Variants in TRPC5 observed in about 807,000 individuals in gnomAD.
TRPC5 encodes transient receptor potential cation channel subfamily C member 5.
TRPC5 carries 9 observed loss-of-function variants against 56.5 expected under a neutral mutation model. The observed-to-expected ratio is 0.16, with a 90% CI of 0.10 to 0.28. TRPC5 has a LOEUF of 0.28. Ranked by LOEUF, TRPC5 falls within the 10% of genes least tolerant of loss-of-function variation. The pLI is 1.00. For synonymous variants in TRPC5, 282 were observed against 278.5 expected (o/e 1.01, Z -0.13); for missense variants, 469 against 748.9 (o/e 0.63, Z 4.36).
intron 1 of TRPC5, among the ~76,000 whole-genome samples, chrX:111,956,899 A>C: frequency 9.0e-6 from 1 of 110,666 alleles, no homozygotes; most frequent in Non-Finnish European, 1.9e-5. Context: ...TTCAGCAAAT[A>C]CTCTCCTATG....
intron 1 of TRPC5, among the ~76,000 whole-genome samples, chrX:111,986,227 T>C (rs1422138530): frequency 1.8e-5 from 2 of 110,840 alleles, no homozygotes; most frequent in East Asian, 5.7e-4. Context: ...ACAATTACAG[T>C]ATTTTCTAAC....
At chrX:111,957,139 T>C (rs1927257949) in intron 1 of TRPC5, among the ~76,000 whole-genome samples, 1 of 112,177 alleles carries the variant, frequency 8.9e-6, no homozygotes, top group Admixed American at 9.5e-5. Flanking sequence ...TAAAGTACTT[T>C]GTTTCTCTTA....
At chrX:112,042,914 A>G (rs1470850881) in intron 1 of TRPC5, among the ~76,000 whole-genome samples, 1 of 110,817 alleles carries the variant, frequency 9.0e-6, no homozygotes, top group African/African-American at 3.3e-5. Flanking sequence ...GACTTATTCT[A>G]TTCCTGAACT....
chrX:111,853,234 C>T (rs3027703), intron 4 of TRPC5, among the ~76,000 whole-genome samples: 1,587 of 111,078 alleles, frequency 0.014, 31 homozygotes, highest in African/African-American at 0.05. Context: ...GTTGAAGAGT[C>T]CAGTGCAATC....
In TRPC5 at chrX:112,030,043, T is replaced by C. The variant is rs947599835; in HGVS notation, c.-22+51836A>G. On this transcript the variant is annotated intron_variant, in intron 1 of 10. Coordinates refer to ENST00000262839, the MANE Select transcript of TRPC5 (RefSeq NM_012471.3). ...TTTCTCCATGTTGGTCAGGCTGGCC[T>C]GGCACTCCCAACCTCAGGTGATCCA... Among the ~76,000 whole-genome samples the C allele has an allele frequency of 3.4e-4, 38 of 111,944 alleles. No individual in the cohort carries two copies. The East Asian group carries it at 8.2e-3, about 24-fold the overall frequency.
intron 7 of TRPC5, among the ~76,000 whole-genome samples, chrX:111,784,850 C>T (rs868709944): frequency 3.6e-5 from 4 of 112,364 alleles, no homozygotes; most frequent in East Asian, 2.8e-4. Flanking sequence ...ATCTGCAAGG[C>T]GGCAGCCTGG....
intron 6 of TRPC5, among the ~76,000 whole-genome samples, chrX:111,839,966 C>A (rs1368209425): frequency 9.2e-6 from 1 of 109,287 alleles, no homozygotes; most frequent in African/African-American, 3.3e-5. Flanking sequence ...GTCAGGAGAT[C>A]GAGACCATCC....
intron 1 of TRPC5, among the ~76,000 whole-genome samples, chrX:112,029,495 T>G (rs760000341): frequency 8.9e-6 from 1 of 112,132 alleles, no homozygotes; most frequent in South Asian, 3.7e-4. Flanking sequence ...ATTTCTTTTC[T>G]TTGGGGTCTA....
intron 1 of TRPC5, among the ~76,000 whole-genome samples, chrX:112,022,664 C>T (rs1929302099): frequency 8.9e-6 from 1 of 111,949 alleles, no homozygotes; most frequent in Non-Finnish European, 1.9e-5. Flanking sequence ...GAAAAGTTTA[C>T]AGTAGTTTCA....
intron 1 of TRPC5, among the ~76,000 whole-genome samples, chrX:111,953,523 A>G (rs1039484317): frequency 1.8e-5 from 2 of 111,703 alleles, no homozygotes; most frequent in Non-Finnish European, 3.8e-5. Flanking sequence ...GATGGGAATG[A>G]TTATCTTCTC....
intron 1 of TRPC5, among the ~76,000 whole-genome samples, chrX:111,974,199 A>G (rs1927857952): frequency 8.9e-6 from 1 of 111,948 alleles, no homozygotes; most frequent in Non-Finnish European, 1.9e-5. Flanking sequence ...ATGGGAAACA[A>G]GGTAGAAGGG....
intron 7 of TRPC5, among the ~76,000 whole-genome samples, chrX:111,793,375 A>G (rs762026632): frequency 3.6e-5 from 4 of 112,222 alleles, no homozygotes; most frequent in Non-Finnish European, 7.5e-5. Flanking sequence ...AAACCAATGT[A>G]AAAATGGGAA....
At chrX:111,863,592 G>A (rs1923465126) in intron 3 of TRPC5, among the ~76,000 whole-genome samples, 1 of 111,887 alleles carries the variant, frequency 8.9e-6, no homozygotes, top group Non-Finnish European at 1.9e-5. Flanking sequence ...TTCCAAACTG[G>A]AAGCCTATTA....
intron 7 of TRPC5, among the ~76,000 whole-genome samples, chrX:111,828,688 A>G (rs1298877437): frequency 9.0e-6 from 1 of 111,433 alleles, no homozygotes; most frequent in Non-Finnish European, 1.9e-5. Flanking sequence ...GAAGAAGGAA[A>G]ATGTGGGAAA....
chrX:111,776,840 AAG>A lies in TRPC5; in HGVS notation c.2393_2394del (p.Ser798PhefsTer2). ...GGARAKSKSV[S>X]FNLGCKKKTC... ...GTCTTTTTCTTGCAGCCTAAATTAA[AAG>A]AGACACTCTTGGATTTGGCCCGAGC... is the stretch of plus-strand genomic sequence containing the variant. On this transcript the variant is annotated frameshift_variant, in exon 11 of 11. Transcript: ENST00000262839. LOFTEE classifies it high-confidence loss of function. 5.8e-6 allele frequency: 7 copies of A among 1,211,574 alleles called. No homozygotes were observed. The highest frequency in any genetic ancestry group is 1.7e-5 in the African/African-American group (1 of 57,807).
chrX:111,786,427 G>T (rs1945965626), intron 7 of TRPC5, among the ~76,000 whole-genome samples: 1 of 111,430 alleles, frequency 9.0e-6, no homozygotes, highest in African/African-American at 3.3e-5. Flanking sequence ...ACTAAACATG[G>T]ATAGAAACAA....
chrX:111,896,153 G>A (rs994613127), intron 3 of TRPC5: 2 of 110,717 alleles, frequency 1.8e-5, no homozygotes, highest in Non-Finnish European at 3.8e-5. Flanking sequence ...CATTATTTTA[G>A]TGTCTCCCAA....
chrX:111,836,626 C>T (rs1317356614), intron 6 of TRPC5, among the ~76,000 whole-genome samples: 1 of 111,711 alleles, frequency 9.0e-6, no homozygotes, highest in East Asian at 2.8e-4. Context: ...TTCTTTGTAG[C>T]ACTTGAAGCT....
At chrX:111,996,145 A>G (rs1476475350) in intron 1 of TRPC5, among the ~76,000 whole-genome samples, 8 of 111,550 alleles carry the variant, frequency 7.2e-5, no homozygotes, top group Admixed American at 1.9e-4. Flanking sequence ...CCCTCTACAC[A>G]CTGCTTTAAA....
Sources: gnomAD v4.1 joint callset for allele counts (sites outside exome capture counted in the v4.1 genomes callset) on GRCh38, gnomAD v4.1.1 for gene constraint, MANE v1.5 for transcripts, NCBI Gene and HGNC (gene_info 2026-07-23, HGNC 2026-07-21) for gene names.